Variants in PARK7 observed in about 807,000 individuals in gnomAD.
PARK7 encodes the protein Parkinsonism associated deglycase.
PARK7 carries 14 observed loss-of-function variants against 20.5 expected under a neutral mutation model. The ratio of observed to expected loss-of-function variants is 0.68; its 90% confidence interval spans 0.45 to 1.07. The LOEUF is 1.07. Among genes scored for constraint, PARK7 ranks in the 50% least tolerant of loss-of-function variants. PARK7 has a pLI of 0.00. For synonymous variants in PARK7, 98 were observed against 84.3 expected (o/e 1.16, Z -0.89); for missense variants, 234 against 238.1 (o/e 0.98, Z 0.11).
chr1:7,984,968 T>C lies in PARK7; in HGVS notation c.484T>C (p.Phe162Leu). Residue 162 changes from phenylalanine to leucine, a missense_variant, in exon 7 of 7, where the codon TTC becomes CTC. Physicochemically the swap from Phe to Leu is conservative, Grantham distance 22 (BLOSUM62 0). Coordinates refer to ENST00000338639, the MANE Select transcript of PARK7 (RefSeq NM_007262.5). This position sits in a 1 kb window ranked among gnomAD's most constrained non-coding sequence, Gnocchi z 4.3. ...ILTSRGPGTSFEFALAIVEAL... is the reference protein window; with the variant it reads ...ILTSRGPGTSLEFALAIVEAL... ...TACAAGCCGGGGGCCTGGGACCAGCTTCGAGTTTGCGCTTGCAATTGTTGA... is the reference window on the plus strand; with the variant it reads ...TACAAGCCGGGGGCCTGGGACCAGCCTCGAGTTTGCGCTTGCAATTGTTGA... The C allele has an allele frequency of 4.3e-6, 7 of 1,614,194 alleles. No homozygotes were observed. The highest frequency in any genetic ancestry group is 5.9e-6 in the Non-Finnish European group (7 of 1,180,046).
intron 6 of PARK7, among the ~76,000 whole-genome samples, chr1:7,982,378 A>T (rs1487002120): frequency 6.6e-6 from 1 of 152,138 alleles, no homozygotes; most frequent in Non-Finnish European, 1.5e-5. Flanking sequence ...TGCTGGTTGA[A>T]CGGGAAGTGT....
intron 5 of PARK7, among the ~76,000 whole-genome samples, chr1:7,973,047 C>CA (rs562490682): frequency 5.9e-5 from 9 of 151,410 alleles, no homozygotes; most frequent in Admixed American, 4.6e-4. Context: ...AAGACTGTCT[C>CA]AAAAAAAAGT....
intron 2 of PARK7, among the ~76,000 whole-genome samples, chr1:7,964,959 G>A (rs1640294285): frequency 6.6e-6 from 1 of 152,228 alleles, no homozygotes; most frequent in Non-Finnish European, 1.5e-5. Context: ...AGTAGGGTCT[G>A]TCCCGGGCAA....
chr1:7,963,100 G>C (rs920172393), intron 2 of PARK7, among the ~76,000 whole-genome samples: 1 of 152,012 alleles, frequency 6.6e-6, no homozygotes, highest in African/African-American at 2.4e-5. Context: ...TTTGAGCTCT[G>C]TCGTCCAGGC....
chr1:7,970,516 G>C (rs561768813), intron 4 of PARK7, among the ~76,000 whole-genome samples: 2 of 152,316 alleles, frequency 1.3e-5, no homozygotes, highest in Non-Finnish European at 2.9e-5. Flanking sequence ...GAAGTAAGAA[G>C]TGGGTTGTGT....
At chr1:7,967,147 A>G (rs1340046832) in intron 3 of PARK7, among the ~76,000 whole-genome samples, 3 of 152,180 alleles carry the variant, frequency 2.0e-5, no homozygotes, top group African/African-American at 7.2e-5. Context: ...TAGCTTTCAC[A>G]TATGAGTGAG....
At chr1:7,965,300 A>C (rs1179379530) in intron 2 of PARK7, 24 bp from the exon 3 acceptor site, 1 of 1,594,512 alleles carries the variant, frequency 6.3e-7, no homozygotes, top group South Asian at 1.1e-5. Flanking sequence ...AGTGTTCTTA[A>C]ATATGATAAC....
Position 7,971,149 on chromosome 1 carries a change from G to C in PARK7, c.322+186G>C, listed in dbSNP as rs1235048610. ...GATGAGGACAATTGTTCTGTTTTCT[G>C]CCTCTCCATGCCTTTGGTCTACATG... On this transcript the variant is annotated intron_variant, in intron 5 of 6. Transcript: ENST00000338639. The C allele has an allele frequency of 5.9e-6, 4 of 681,696 alleles. No homozygotes were observed. In the African/African-American group the frequency reaches 7.1e-5, roughly 12 times the overall value. The allele number at this position is 681,696 out of a possible 1,614,324, so 42.2% of individuals were successfully genotyped here.
In PARK7 at chr1:7,984,165, G is replaced by C. The variant is rs1028160459; in HGVS notation, c.410-729G>C. ...AGCTCTTCCTGGAGCAGGAGAGAACGTGTTGTATACAGTAAGGGAAGCTCC... is the reference window on the plus strand; with the variant it reads ...AGCTCTTCCTGGAGCAGGAGAGAACCTGTTGTATACAGTAAGGGAAGCTCC... On this transcript the variant is annotated intron_variant, in intron 6 of 6. Coordinates refer to ENST00000338639, the MANE Select transcript of PARK7 (RefSeq NM_007262.5). The surrounding 1 kb of genome is among the most constrained non-coding windows in gnomAD (Gnocchi z 4.3). Among the ~76,000 whole-genome samples the C allele has an allele frequency of 1.3e-5, 2 of 152,082 alleles. No individual in the cohort carries two copies. The highest frequency in any genetic ancestry group is 4.8e-5 in the African/African-American group (2 of 41,390).
At chr1:7,968,089 C>CA (rs1640366309) in intron 3 of PARK7, among the ~76,000 whole-genome samples, 2 of 151,786 alleles carry the variant, frequency 1.3e-5, no homozygotes, top group African/African-American at 2.4e-5. Context: ...ATGGGTGTAT[C>CA]ACGAGGTCAG....
At chr1:7,978,425 C>T (rs1430870528) in intron 6 of PARK7, among the ~76,000 whole-genome samples, 1 of 148,470 alleles carries the variant, frequency 6.7e-6, no homozygotes, top group African/African-American at 2.5e-5. Context: ...GAGTCTCTCG[C>T]TCTGTTGCCC....
At chr1:7,964,180 C>G (rs1462948515) in intron 2 of PARK7, among the ~76,000 whole-genome samples, 1 of 152,152 alleles carries the variant, frequency 6.6e-6, no homozygotes, top group Non-Finnish European at 1.5e-5. Context: ...TTATCTCTCT[C>G]TATCTAAAAA....
intron 5 of PARK7, 200 bp downstream of exon 5, chr1:7,971,163 T>G: frequency 1.5e-6 from 1 of 653,854 alleles, no homozygotes; most frequent in Non-Finnish European, 2.8e-6. Context: ...CTCCATGCCT[T>G]TGGTCTACAT....
chr1:7,975,699 G>C (rs1485621073), intron 5 of PARK7, among the ~76,000 whole-genome samples: 3 of 152,138 alleles, frequency 2.0e-5, no homozygotes, highest in African/African-American at 7.2e-5. Context: ...TCGTAGCAGT[G>C]ATTTTATTAC....
rs1364427373 is a variant in PARK7, at chr1:7,984,300, T to TC, written c.410-594_410-593insC. On this transcript the variant is annotated intron_variant, in intron 6 of 6. Transcript: ENST00000338639. The surrounding 1 kb of genome is among the most constrained non-coding windows in gnomAD (Gnocchi z 4.3). The stretch of plus-strand genomic sequence containing the variant: ...GGGGCAGAGCTCAGGGCATCCATGC[T>TC]TAAGAGTCCCAGTTTTGGTATTATA... Among the ~76,000 whole-genome samples the TC allele has an allele frequency of 3.9e-5, 6 of 152,152 alleles. No individual in the cohort carries two copies. Among genetic ancestry groups the TC allele is most frequent in the African/African-American group, 1.4e-4 (6 of 41,420 alleles).
At chr1:7,966,381 CAAATT>C (rs1370545929) in intron 3 of PARK7, among the ~76,000 whole-genome samples, 2 of 151,750 alleles carry the variant, frequency 1.3e-5, no homozygotes, top group Non-Finnish European at 2.9e-5. Flanking sequence ...TTTGTTGAAA[CAAATT>C]AAAAATGACA....
intron 6 of PARK7, 39 bp downstream of exon 6, chr1:7,977,777 T>A: frequency 6.4e-7 from 1 of 1,569,164 alleles, no homozygotes; most frequent in Middle Eastern, 1.7e-4. Flanking sequence ...GTTTGTTTTT[T>A]GAGATGGAGT....
rs374236728 is a variant in PARK7 at position 7,965,335 on chromosome 1, C to T, written c.102C>T (p.Thr34=). The T allele has an allele frequency of 6.4e-5, 104 of 1,613,704 alleles. No individual in the cohort carries two copies. The Admixed American group carries it at 1.4e-3, about 21-fold the overall frequency. Residue 34 remains threonine, a synonymous_variant, in exon 3 of 7, where the codon ACC becomes ACT. Coordinates refer to ENST00000338639, the MANE Select transcript of PARK7 (RefSeq NM_007262.5). ...DVMRRAGIKV[T]VAGLAGKDPV... is the part of the protein sequence containing the mutation. Reference sequence around the variant, plus strand: ...CATCTTTCTCGTAGATTAAGGTCACCGTTGCAGGCCTGGCTGGAAAAGACC... The same window carrying T: ...CATCTTTCTCGTAGATTAAGGTCACTGTTGCAGGCCTGGCTGGAAAAGACC...
intron 5 of PARK7, 45 bp from the exon 6 acceptor site, chr1:7,977,607 G>T (rs1640611715): frequency 1.9e-6 from 3 of 1,553,064 alleles, no homozygotes; most frequent in African/African-American, 2.7e-5. Context: ...TTTAAACATG[G>T]GCTTTTCTAT....
Sources: gnomAD v4.1 joint callset for allele counts (sites outside exome capture counted in the v4.1 genomes callset) on GRCh38, gnomAD v4.1.1 for gene constraint, Gnocchi (gnomAD v3.1) non-coding constraint, MANE v1.5 for transcripts, NCBI Gene and HGNC (gene_info 2026-07-23, HGNC 2026-07-21) for gene names.